Variants in RBFOX1 observed in about 807,000 individuals in gnomAD.
RBFOX1 encodes RNA binding fox-1 homolog 1.
Under a neutral mutation model 57.7 loss-of-function variants are expected in RBFOX1, and 8 were observed. The ratio of observed to expected loss-of-function variants is 0.14; its 90% CI spans 0.08 to 0.25. RBFOX1 has a LOEUF of 0.25. Ranked by LOEUF, RBFOX1 falls within the 10% of genes least tolerant of loss-of-function variation. The pLI is 1.00. For missense variants in RBFOX1, 611 were observed against 548.5 expected (o/e 1.11, Z -1.14); for synonymous variants, 326 against 222.4 (o/e 1.47, Z -4.15).
intron 4 of RBFOX1, among the ~76,000 whole-genome samples, chr16:7,103,095 G>C (rs948628849): frequency 6.6e-6 from 1 of 150,424 alleles, no homozygotes; most frequent in Admixed American, 6.6e-5. Context: ...GCAACACTCT[G>C]TTTCTGAAAA....
chr16:5,785,372 G>T (rs1379116292), intron 3 of RBFOX1, among the ~76,000 whole-genome samples: 1 of 152,082 alleles, frequency 6.6e-6, no homozygotes, highest in African/African-American at 2.4e-5. Context: ...ATCCCTTCCA[G>T]GCATGGGGGT....
At chr16:7,104,538 T>G (rs1470641715) in intron 4 of RBFOX1, among the ~76,000 whole-genome samples, 2 of 152,262 alleles carry the variant, frequency 1.3e-5, no homozygotes, top group South Asian at 2.1e-4. Context: ...TACCTAAGAT[T>G]ACGCAAATAA....
chr16:6,396,651 A>G (rs554765667), intron 2 of RBFOX1, among the ~76,000 whole-genome samples: 1 of 152,298 alleles, frequency 6.6e-6, no homozygotes, highest in South Asian at 2.1e-4. Context: ...CTATAACAAA[A>G]ATCAGCACTC....
intron 4 of RBFOX1, among the ~76,000 whole-genome samples, chr16:7,457,135 C>T (rs530575120): frequency 3.9e-5 from 6 of 152,222 alleles, no homozygotes; most frequent in Admixed American, 2.0e-4. Flanking sequence ...GATCCGCCTG[C>T]CTCAGCCTCC....
chr16:5,874,742 G>T (rs11076981), intron 4 of RBFOX1, among the ~76,000 whole-genome samples: 7,905 of 152,144 alleles, frequency 0.052, 265 homozygotes, highest in Admixed American at 0.091. Flanking sequence ...CCAGGAGTTT[G>T]AGACCAGCCA....
At chr16:6,147,591 G>A (rs1301737785) in intron 1 of RBFOX1, among the ~76,000 whole-genome samples, 1 of 152,046 alleles carries the variant, frequency 6.6e-6, no homozygotes, top group African/African-American at 2.4e-5. Context: ...GAGGGGATGG[G>A]GGCAAGAAAG....
chr16:7,417,464 A>G (rs1398507577), intron 4 of RBFOX1, among the ~76,000 whole-genome samples: 1 of 150,892 alleles, frequency 6.6e-6, no homozygotes, highest in Non-Finnish European at 1.5e-5. Context: ...CACCACCACC[A>G]CCAGGAAACT....
At chr16:5,343,801 T>C (rs2065084571) in intron 1 of RBFOX1, among the ~76,000 whole-genome samples, 1 of 152,230 alleles carries the variant, frequency 6.6e-6, no homozygotes, top group South Asian at 2.1e-4. Context: ...AAAAGGGTTA[T>C]TTGATATGAT....
At chr16:5,366,746 A>T (rs1165206357) in intron 1 of RBFOX1, 4 of 325,670 alleles carry the variant, frequency 1.2e-5, no homozygotes, top group Non-Finnish European at 2.3e-5. Flanking sequence ...TTCCTGTAAC[A>T]GGTGATATCT....
At chr16:6,137,525 C>G (rs764191034) in intron 1 of RBFOX1, among the ~76,000 whole-genome samples, 1 of 151,458 alleles carries the variant, frequency 6.6e-6, no homozygotes, top group Non-Finnish European at 1.5e-5. Context: ...AGGCTGGTCT[C>G]GAGCTCCTGA....
chr16:7,266,065 C>A (rs1031549945), intron 4 of RBFOX1, among the ~76,000 whole-genome samples: 45 of 149,416 alleles, frequency 3.0e-4, no homozygotes, highest in Non-Finnish European at 4.0e-4. Flanking sequence ...AGCTCCGCCT[C>A]CCAGGTTCAC....
At position 7,065,927 on chromosome 16, in the gene RBFOX1, C is replaced by G. The variant is rs145189997; in HGVS notation, c.27+13829C>G. On this transcript the variant is annotated intron_variant, in intron 4 of 15. Coordinates refer to ENST00000550418, the MANE Select transcript of RBFOX1 (RefSeq NM_018723.4). ...ATGTCTTTCTGTGTAAGGCCCTGAT[C>G]CTTATGTGTTTTTCCCCCACAGTAA... is the stretch of plus-strand genomic sequence containing the variant. Among the ~76,000 whole-genome samples, 323 of 152,246 alleles carry G rather than the reference C, an allele frequency of 2.1e-3. 2 individuals are homozygous for G. Among genetic ancestry groups the G allele is most frequent in the Middle Eastern group, 0.014 (4 of 294 alleles).
chr16:6,014,863 T>C (rs2152341895), upstream of RBFOX1, among the ~76,000 whole-genome samples: 1 of 152,068 alleles, frequency 6.6e-6, no homozygotes, highest in African/African-American at 2.4e-5. Flanking sequence ...TTGATTTTTT[T>C]TTTTTTTTCT....
At chr16:6,856,019 C>G (rs1024731252) in intron 3 of RBFOX1, among the ~76,000 whole-genome samples, 1 of 152,070 alleles carries the variant, frequency 6.6e-6, no homozygotes, top group African/African-American at 2.4e-5. Flanking sequence ...CTTATATTCT[C>G]TAACTAGGGA....
chr16:6,256,189 ATATATATGTATATGTATATGTG>A (rs1567787997), intron 1 of RBFOX1, among the ~76,000 whole-genome samples: 1 of 22,608 alleles, frequency 4.4e-5, no homozygotes, highest in African/African-American at 9.5e-5. Context: ...ATATATACGT[ATATATATGTATATGTATATGTG>A]TATATATATG....
intron 3 of RBFOX1, among the ~76,000 whole-genome samples, chr16:6,967,407 C>G (rs2084511643): frequency 6.6e-6 from 1 of 152,054 alleles, no homozygotes; most frequent in Admixed American, 6.6e-5. Context: ...CATGGGAAGG[C>G]CAGTTGAAGC....
chr16:7,498,678 A>G lies in RBFOX1; in HGVS notation c.28-19469A>G, dbSNP rs576835683. Reference sequence around the variant, plus strand: ...CTCTGAAATCTGGCGTGCAGTTGCCATGTACAGTACGCGTCATTTCAGACC... The same window carrying G: ...CTCTGAAATCTGGCGTGCAGTTGCCGTGTACAGTACGCGTCATTTCAGACC... On this transcript the variant is annotated intron_variant, in intron 4 of 15. Transcript: ENST00000550418. Among the ~76,000 whole-genome samples the G allele has an allele frequency of 1.6e-3, 249 of 152,280 alleles. 1 individual carries two copies. Among genetic ancestry groups the G allele is most frequent in the African/African-American group, 5.7e-3 (236 of 41,548 alleles).
chr16:5,364,338 CTT>C (rs1407198299), intron 1 of RBFOX1, among the ~76,000 whole-genome samples: 2 of 152,290 alleles, frequency 1.3e-5, no homozygotes, highest in Non-Finnish European at 2.9e-5. Flanking sequence ...CCTTCTCTCT[CTT>C]GATGACTTAA....
chr16:7,208,474 G>A (rs778798357), intron 4 of RBFOX1, among the ~76,000 whole-genome samples: 3 of 152,132 alleles, frequency 2.0e-5, no homozygotes, highest in African/African-American at 4.8e-5. Context: ...AAAGGGAGCT[G>A]GTATGTGCAG....
Sources: gnomAD v4.1 joint callset for allele counts (sites outside exome capture counted in the v4.1 genomes callset) on GRCh38, gnomAD v4.1.1 for gene constraint, MANE v1.5 for transcripts, NCBI Gene and HGNC (gene_info 2026-07-23, HGNC 2026-07-21) for gene names.